Variants in SYNE2 observed in about 807,000 individuals in gnomAD.
The protein encoded by SYNE2 is nesprin-2.
A neutral mutation model predicts 856.3 loss-of-function variants in SYNE2; 431 were observed. The observed-to-expected ratio is 0.50, with a 90% CI of 0.47 to 0.55. SYNE2 has a LOEUF of 0.55. Among genes scored for constraint, SYNE2 ranks in the 20% least tolerant of loss-of-function variants. SYNE2 has a pLI of 0.00. For missense variants in SYNE2, 8,129 were observed against 8,023.2 expected, an observed-to-expected ratio of 1.01 and a Z score of -0.50; for synonymous variants, 2,923 against 2,872.3, an observed-to-expected ratio of 1.02 and a Z score of -0.56.
At chr14:63,929,811 G>A (rs943604252) in intron 2 of SYNE2, among the ~76,000 whole-genome samples, 23 of 151,138 alleles carry the variant, frequency 1.5e-4, no homozygotes, top group African/African-American at 5.4e-4. Flanking sequence ...AGAGATATTC[G>A]ACTGAAGGCA....
chr14:64,147,348 A>G (rs1251785007), intron 84 of SYNE2, among the ~76,000 whole-genome samples: 2 of 152,070 alleles, frequency 1.3e-5, no homozygotes, highest in African/African-American at 4.8e-5. Context: ...CTGCAGAGGG[A>G]TATTTCTGAA....
At chr14:64,098,284 C>G in intron 62 of SYNE2, 138 bp downstream of exon 62, 2 of 944,266 alleles carry the variant, frequency 2.1e-6, no homozygotes. Flanking sequence ...AATACTCAAC[C>G]TGAGGTTGTT....
intron 115 of SYNE2, 21 bp from the exon 116 acceptor site, chr14:64,225,291 ATCAGCTC>A: frequency 1.9e-6 from 3 of 1,613,992 alleles, no homozygotes; most frequent in Middle Eastern, 3.3e-4. Context: ...GAGCCTCCCA[ATCAGCTC>A]TCAACCTCCT....
At chr14:63,764,238 G>T (rs1397361238) in intron 1 of SYNE2, among the ~76,000 whole-genome samples, 1 of 152,192 alleles carries the variant, frequency 6.6e-6, no homozygotes, top group Admixed American at 6.6e-5. Flanking sequence ...AAGCTTAGAA[G>T]AGTGTTTTGC....
At chr14:64,099,171 A>G in intron 63 of SYNE2, 1 of 310,264 alleles carries the variant, frequency 3.2e-6, no homozygotes, top group Admixed American at 4.5e-5. Context: ...TCCGCATTTC[A>G]ATTACTCTTT....
rs533385499 is a variant in SYNE2, at chr14:64,111,472, G to A, written c.12610-1869G>A. ...ACTAGAAATTGATATCTGGAAGTCT[G>A]GAAGCAAAATCACACAACTGTTGCT... On this transcript the variant is annotated intron_variant, in intron 65 of 115. Coordinates refer to ENST00000555002, the MANE Select transcript of SYNE2 (RefSeq NM_182914.3). 5.3e-5 allele frequency among the ~76,000 whole-genome samples: 8 copies of A among 152,078 alleles called. No homozygotes were observed. In the South Asian group the frequency reaches 1.7e-3, roughly 32 times the overall value.
chr14:64,013,733 G>C (rs2096866836), intron 32 of SYNE2, among the ~76,000 whole-genome samples: 1 of 152,100 alleles, frequency 6.6e-6, no homozygotes, highest in South Asian at 2.1e-4. Context: ...TCAGCATCTA[G>C]TTAGAAGACA....
chr14:64,034,747 T>C (rs760351547), intron 45 of SYNE2, among the ~76,000 whole-genome samples: 7 of 152,100 alleles, frequency 4.6e-5, no homozygotes, highest in Non-Finnish European at 1.0e-4. Context: ...GATGCGTATT[T>C]CTGAATTTTT....
chr14:63,898,375 T>C (rs901313344), intron 1 of SYNE2, among the ~76,000 whole-genome samples: 8 of 152,190 alleles, frequency 5.3e-5, no homozygotes, highest in Non-Finnish European at 8.8e-5. Flanking sequence ...TGGCATACTT[T>C]CGTTCATCTT....
rs1012917106 is a variant in SYNE2 at position 63,967,702 on chromosome 14, A to G, written c.991-7A>G. ...TTTCAATCTTTAAAATACTCTTCTAATTGCAGAGCCTGCTGTCCTTTATGG... is the reference window on the plus strand; with the variant it reads ...TTTCAATCTTTAAAATACTCTTCTAGTTGCAGAGCCTGCTGTCCTTTATGG... On this transcript the variant is annotated splice_polypyrimidine_tract_variant and splice_region_variant and intron_variant, in intron 10 of 115. Coordinates refer to ENST00000555002, the MANE Select transcript of SYNE2 (RefSeq NM_182914.3). The G allele has an allele frequency of 6.2e-7, 1 of 1,613,756 alleles. No homozygotes were observed. Among genetic ancestry groups the G allele is most frequent in the South Asian group, 1.1e-5 (1 of 91,072 alleles).
intron 84 of SYNE2, among the ~76,000 whole-genome samples, chr14:64,146,562 T>C (rs1339828604): frequency 6.6e-6 from 1 of 152,254 alleles, no homozygotes; most frequent in Non-Finnish European, 1.5e-5. Flanking sequence ...TGTTACAAAA[T>C]TACTCTAAAG....
Position 64,053,306 on chromosome 14 carries a change from T to A in SYNE2, c.9393T>A (p.Asp3131Glu). 6.2e-7 allele frequency: 1 copy of A among 1,608,764 alleles called. No homozygotes were observed. The highest frequency in any genetic ancestry group is 8.5e-7 in the Non-Finnish European group (1 of 1,178,606). Residue 3131 changes from aspartate (D) to glutamate (E), a missense_variant, in exon 48 of 116, where the codon GAT (aspartate) becomes GAA (glutamate). Coordinates refer to ENST00000555002, the MANE Select transcript of SYNE2 (RefSeq NM_182914.3). The stretch of plus-strand genomic sequence containing the variant: ...TAAAGCTGAATGCAGAAGAAAATGA[T>A]AAGTTATACAAAGTTCTCCAAAACA... ...LQIKLNAEEN[D>E]KLYKVLQNMV... is the part of the protein sequence containing the mutation.
intron 87 of SYNE2, among the ~76,000 whole-genome samples, chr14:64,160,833 G>GA (rs900435437): frequency 6.6e-6 from 1 of 151,606 alleles, no homozygotes; most frequent in Admixed American, 6.6e-5. Flanking sequence ...TTGAAATACA[G>GA]AAAAAAAGCC....
At chr14:64,069,245 T>C (rs2097383304) in intron 51 of SYNE2, among the ~76,000 whole-genome samples, 1 of 151,892 alleles carries the variant, frequency 6.6e-6, no homozygotes. Flanking sequence ...TATGTAACAA[T>C]TTCTTTATTT....
chr14:64,093,088 C>G (rs1428539694), intron 60 of SYNE2, among the ~76,000 whole-genome samples: 1 of 151,992 alleles, frequency 6.6e-6, no homozygotes, highest in African/African-American at 2.4e-5. Flanking sequence ...ACCAGAAATA[C>G]TTAAGAGCAA....
intron 2 of SYNE2, among the ~76,000 whole-genome samples, chr14:63,916,483 A>C (rs74659969): frequency 0.025 from 3,823 of 152,268 alleles, 77 homozygotes; most frequent in Non-Finnish European, 0.038. Context: ...CTGAGTTGTT[A>C]TTGCCAATCA....
intron 8 of SYNE2, chr14:63,956,350 G>T: frequency 2.2e-6 from 1 of 453,482 alleles, no homozygotes; most frequent in Non-Finnish European, 4.4e-6. Flanking sequence ...GATAAGTTTT[G>T]AGTATTTATT....
chr14:64,080,995 G>A (rs1436746451), intron 56 of SYNE2, among the ~76,000 whole-genome samples: 1 of 152,100 alleles, frequency 6.6e-6, no homozygotes, highest in African/African-American at 2.4e-5. Context: ...ACTGTCATTC[G>A]GGGAAAAGAT....
At chr14:63,773,724 G>A (rs1887006879) in intron 1 of SYNE2, among the ~76,000 whole-genome samples, 1 of 151,988 alleles carries the variant, frequency 6.6e-6, no homozygotes, top group Admixed American at 6.6e-5. Flanking sequence ...AACATGCCCA[G>A]CAAAAAGAAG....
Sources: allele counts gnomAD v4.1 joint callset (sites outside exome capture counted in the v4.1 genomes callset), GRCh38; gene constraint gnomAD v4.1.1; transcripts MANE v1.5; gene names NCBI Gene and HGNC (gene_info 2026-07-23, HGNC 2026-07-21).